PARD3B: variants seen among roughly 807,000 people sequenced by gnomAD.
PARD3B encodes the protein par-3 family cell polarity regulator beta, also known as partitioning defective 3 homolog B.
PARD3B carries 103 observed loss-of-function variants against 130.2 expected under a neutral mutation model. That is an observed-to-expected ratio of 0.79 (90% CI 0.67 to 0.93). The LOEUF (loss-of-function observed/expected upper bound fraction) is 0.93, where lower values mean the gene tolerates loss of function less well. PARD3B is among the 40% of genes least tolerant of loss of function. The pLI is 0.00. For missense variants in PARD3B, 1,609 were observed against 1,499.2 expected (o/e 1.07, Z -1.21); for synonymous variants, 583 against 553.2 (o/e 1.05, Z -0.76).
chr2:205,582,841 G>GA (rs1467055416), intron 22 of PARD3B, among the ~76,000 whole-genome samples: 1 of 151,178 alleles, frequency 6.6e-6, no homozygotes. Flanking sequence ...GCAGGTGAGG[G>GA]AAAAAAAAGA....
intron 2 of PARD3B, among the ~76,000 whole-genome samples, chr2:204,705,091 G>A (rs115726367): frequency 0.015 from 2,229 of 152,286 alleles, 42 homozygotes; most frequent in African/African-American, 0.051. Context: ...AGTACAGGAA[G>A]GGTAGAATTA....
Position 205,101,986 on chromosome 2 carries a change from A to G in PARD3B, c.505-2440A>G, listed in dbSNP as rs906793758. The stretch of plus-strand genomic sequence containing the variant: ...CTCTGAATATACTGAAAACCACTTA[A>G]TTGTACTCTTTAAAATGGTGACTCT... On this transcript the variant is annotated intron_variant, in intron 4 of 22. Coordinates refer to ENST00000406610, the MANE Select transcript of PARD3B (RefSeq NM_001302769.2). 2.6e-5 allele frequency among the ~76,000 whole-genome samples: 4 copies of G among 152,286 alleles called. No individual in the cohort carries two copies. The South Asian group carries it at 8.3e-4, about 32-fold the overall frequency.
At chr2:204,878,668 C>T (rs1160515202) in intron 2 of PARD3B, among the ~76,000 whole-genome samples, 1 of 151,872 alleles carries the variant, frequency 6.6e-6, no homozygotes, top group East Asian at 1.9e-4. Flanking sequence ...TTTCTTGATA[C>T]GTATAGATGT....
At chr2:204,765,697 G>T (rs2041115726) in intron 2 of PARD3B, among the ~76,000 whole-genome samples, 1 of 152,020 alleles carries the variant, frequency 6.6e-6, no homozygotes, top group African/African-American at 2.4e-5. Context: ...TTTGTTTAAG[G>T]GGCTGTGGGA....
At chr2:204,600,011 C>G (rs188733907) in intron 1 of PARD3B, among the ~76,000 whole-genome samples, 1 of 151,768 alleles carries the variant, frequency 6.6e-6, no homozygotes, top group Admixed American at 6.6e-5. Flanking sequence ...CTGTTCAGAG[C>G]ATTTGCTCAT....
intron 10 of PARD3B, among the ~76,000 whole-genome samples, chr2:205,155,164 C>T (rs2034034208): frequency 6.6e-6 from 1 of 152,024 alleles, no homozygotes; most frequent in Non-Finnish European, 1.5e-5. Context: ...TGAAAAACAA[C>T]TTATTGGTTG....
intron 1 of PARD3B, among the ~76,000 whole-genome samples, chr2:204,622,696 GGTAA>G (rs954187340): frequency 2.6e-5 from 4 of 151,836 alleles, no homozygotes; most frequent in African/African-American, 9.7e-5. Context: ...GTCATAAGAG[GGTAA>G]GTAACATGTC....
At chr2:205,239,315 T>TA (rs2039246877) in intron 15 of PARD3B, among the ~76,000 whole-genome samples, 1 of 152,180 alleles carries the variant, frequency 6.6e-6, no homozygotes, top group Non-Finnish European at 1.5e-5. Flanking sequence ...ATTATTCACC[T>TA]AAAACCTTTA....
intron 3 of PARD3B, among the ~76,000 whole-genome samples, chr2:204,969,029 A>G (rs1691479022): frequency 6.6e-6 from 1 of 152,190 alleles, no homozygotes. Flanking sequence ...TCACTTTCAC[A>G]CTTTAAGATT....
intron 3 of PARD3B, among the ~76,000 whole-genome samples, chr2:204,996,230 T>A (rs1399184277): frequency 7.0e-6 from 1 of 143,064 alleles, no homozygotes; most frequent in African/African-American, 2.6e-5. Context: ...TTTTGGTCTT[T>A]GATGATGGTG....
chr2:204,853,964 G>A (rs575454739), intron 2 of PARD3B, among the ~76,000 whole-genome samples: 54 of 152,270 alleles, frequency 3.5e-4, no homozygotes, highest in African/African-American at 9.9e-4. Flanking sequence ...ACATGTCTGT[G>A]GGAGGAATGT....
intron 16 of PARD3B, among the ~76,000 whole-genome samples, chr2:205,267,278 C>T (rs1040589357): frequency 3.4e-5 from 5 of 147,256 alleles, no homozygotes; most frequent in African/African-American, 1.2e-4. Flanking sequence ...TTCTTGACTT[C>T]TTGCTATGTA....
rs547742830 is a variant in PARD3B, at chr2:205,014,196, G to A, written c.395-33385G>A. On this transcript the variant is annotated intron_variant, in intron 3 of 22. Coordinates refer to ENST00000406610, the MANE Select transcript of PARD3B (RefSeq NM_001302769.2). ...TAGCTTTATTTGCATGCTGTCACTA[G>A]TATCAACCTAACTTCTTATGTCCTT... is the stretch of plus-strand genomic sequence containing the variant. 2.0e-4 allele frequency among the ~76,000 whole-genome samples: 31 copies of A among 152,326 alleles called. No individual in the cohort carries two copies. In the East Asian group the frequency reaches 4.6e-3, roughly 23 times the overall value.
chr2:204,776,866 C>T (rs549110848), intron 2 of PARD3B, among the ~76,000 whole-genome samples: 261 of 151,606 alleles, frequency 1.7e-3, no homozygotes, highest in African/African-American at 6.1e-3. Flanking sequence ...GGGCCATGGC[C>T]CAGAGACCGC....
chr2:204,910,194 G>A (rs753538188), intron 2 of PARD3B, among the ~76,000 whole-genome samples: 1 of 152,072 alleles, frequency 6.6e-6, no homozygotes, highest in Non-Finnish European at 1.5e-5. Flanking sequence ...TAAGTAAGAG[G>A]TTAGAAAGAG....
intron 3 of PARD3B, among the ~76,000 whole-genome samples, chr2:204,966,776 G>A (rs779671835): frequency 1.3e-5 from 2 of 152,056 alleles, no homozygotes; most frequent in East Asian, 3.9e-4. Context: ...TTGAAAGTGT[G>A]GACTGTCTAC....
intron 18 of PARD3B, among the ~76,000 whole-genome samples, chr2:205,316,258 A>T (rs1450328763): frequency 6.6e-6 from 1 of 152,074 alleles, no homozygotes; most frequent in East Asian, 1.9e-4. Flanking sequence ...AGGTTGAAGG[A>T]TGAGTTAACT....
chr2:205,349,812 TTTTTTTTTA>T (rs1323126033), intron 18 of PARD3B, among the ~76,000 whole-genome samples: 3 of 147,776 alleles, frequency 2.0e-5, no homozygotes, highest in Admixed American at 1.3e-4. Context: ...TTTTTTTTTT[TTTTTTTTTA>T]AAAAAAGAGG....
chr2:205,145,317 C>T (rs749017469), intron 10 of PARD3B, among the ~76,000 whole-genome samples: 14 of 137,510 alleles, frequency 1.0e-4, no homozygotes, highest in Non-Finnish European at 1.9e-4. Flanking sequence ...TCCAACCCTC[C>T]GCCGCCCCCG....
Sources: gnomAD v4.1 joint callset for allele counts (sites outside exome capture counted in the v4.1 genomes callset) on GRCh38, gnomAD v4.1.1 for gene constraint, MANE v1.5 for transcripts, NCBI Gene and HGNC (gene_info 2026-07-23, HGNC 2026-07-21) for gene names.